TMEM132C: variants seen among roughly 807,000 people sequenced by gnomAD.
The protein encoded by TMEM132C is transmembrane protein 132C, also known as protein phosphatase 1, regulatory subunit 152.
A neutral mutation model predicts 61.4 loss-of-function variants in TMEM132C; 29 were observed. The observed-to-expected ratio is 0.47, with a 90% CI of 0.35 to 0.64. The LOEUF is 0.64. Ranked by LOEUF, TMEM132C falls within the 30% of genes least tolerant of loss-of-function variation. TMEM132C has a pLI of 0.00. For missense variants in TMEM132C, 1,408 were observed against 1,476.9 expected (o/e 0.95, Z 0.76); for synonymous variants, 656 against 633.1 (o/e 1.04, Z -0.54).
intron 2 of TMEM132C, among the ~76,000 whole-genome samples, chr12:128,430,558 G>A (rs1275280263): frequency 6.6e-6 from 1 of 152,206 alleles, no homozygotes; most frequent in African/African-American, 2.4e-5. Context: ...TTGTGCTTCA[G>A]TTTACTGCAT....
intron 3 of TMEM132C, among the ~76,000 whole-genome samples, chr12:128,606,910 C>T (rs1160899800): frequency 6.6e-6 from 1 of 152,146 alleles, no homozygotes; most frequent in Non-Finnish European, 1.5e-5. Flanking sequence ...ATTGCTGGGG[C>T]TCACCAGTAA....
At chr12:128,493,282 A>C (rs1348528179) in intron 2 of TMEM132C, among the ~76,000 whole-genome samples, 4 of 152,166 alleles carry the variant, frequency 2.6e-5, no homozygotes, top group African/African-American at 9.7e-5. Flanking sequence ...GTCAGGTAGC[A>C]TGATGCCTCC....
chr12:128,486,074 A>G (rs781724235), intron 2 of TMEM132C, among the ~76,000 whole-genome samples: 5 of 152,170 alleles, frequency 3.3e-5, no homozygotes, highest in African/African-American at 4.8e-5. Flanking sequence ...TAGAAATGTG[A>G]CAATGCAATA....
intron 1 of TMEM132C, among the ~76,000 whole-genome samples, chr12:128,390,807 G>A (rs1713603): frequency 0.1 from 15,322 of 152,200 alleles, 2,495 homozygotes; most frequent in African/African-American, 0.34. Context: ...AGGCTGTGGC[G>A]CTGTCCAGGT....
intron 1 of TMEM132C, among the ~76,000 whole-genome samples, chr12:128,402,077 G>C (rs1875181233): frequency 6.6e-6 from 1 of 152,100 alleles, no homozygotes; most frequent in Admixed American, 6.5e-5. Flanking sequence ...AGGAAGTCAG[G>C]GGCGAGAGAA....
intron 1 of TMEM132C, among the ~76,000 whole-genome samples, chr12:128,367,958 G>A (rs770587925): frequency 3.9e-5 from 6 of 152,178 alleles, no homozygotes; most frequent in South Asian, 2.1e-4. Context: ...GGTCTAGACC[G>A]TGCTAACTGC....
intron 1 of TMEM132C, among the ~76,000 whole-genome samples, chr12:128,328,090 T>G (rs530287510): frequency 6.6e-6 from 1 of 152,156 alleles, no homozygotes; most frequent in East Asian, 1.9e-4. Flanking sequence ...GAAAGCCCAG[T>G]CAGATGTGTG....
At chr12:128,425,019 T>C (rs557984582) in intron 2 of TMEM132C, among the ~76,000 whole-genome samples, 70 of 152,322 alleles carry the variant, frequency 4.6e-4, no homozygotes, top group Non-Finnish European at 8.7e-4. Flanking sequence ...GATATGTGGG[T>C]TGAAGGTAGC....
At chr12:128,403,463 A>AT (rs35645577) in intron 1 of TMEM132C, among the ~76,000 whole-genome samples, 51,706 of 151,310 alleles carry the variant, frequency 0.34, 9,356 homozygotes, top group South Asian at 0.61. Context: ...ACATCACCCA[A>AT]TTTTTTTTTC....
chr12:128,410,380 C>A (rs969216818), intron 1 of TMEM132C, among the ~76,000 whole-genome samples: 1 of 151,696 alleles, frequency 6.6e-6, no homozygotes, highest in African/African-American at 2.4e-5. Context: ...TATACACACA[C>A]ACATATATAT....
At chr12:128,404,355 C>T (rs906483002) in intron 1 of TMEM132C, 1 of 152,216 alleles carries the variant, frequency 6.6e-6, no homozygotes, top group Non-Finnish European at 1.5e-5. Flanking sequence ...AGACTTCCCA[C>T]TCCTCACATG....
chr12:128,427,257 A>T (rs1869216899), intron 2 of TMEM132C, among the ~76,000 whole-genome samples: 1 of 152,106 alleles, frequency 6.6e-6, no homozygotes, highest in Non-Finnish European at 1.5e-5. Context: ...AAGCATTTTG[A>T]TTGCATCGTG....
At chr12:128,573,552 G>T (rs1874977766) in intron 3 of TMEM132C, among the ~76,000 whole-genome samples, 1 of 151,832 alleles carries the variant, frequency 6.6e-6, no homozygotes, top group African/African-American at 2.4e-5. Flanking sequence ...GTATACATAT[G>T]TAACAAACCT....
intron 2 of TMEM132C, among the ~76,000 whole-genome samples, chr12:128,509,559 T>G (rs2136116882): frequency 6.6e-6 from 1 of 152,368 alleles, no homozygotes; most frequent in Middle Eastern, 3.4e-3. Context: ...TTTCCCAAAC[T>G]TAACTTTGCT....
intron 1 of TMEM132C, among the ~76,000 whole-genome samples, chr12:128,271,632 G>A (rs1870525725): frequency 6.6e-6 from 1 of 152,162 alleles, no homozygotes; most frequent in Non-Finnish European, 1.5e-5. Context: ...AGCTGAGCAG[G>A]GGTGTCCTCC....
chr12:128,502,616 C>T lies in TMEM132C; in HGVS notation c.975-41341C>T, dbSNP rs543243269. 5.3e-5 allele frequency among the ~76,000 whole-genome samples: 8 copies of T among 152,294 alleles called. No individual in the cohort carries two copies. The East Asian group carries it at 9.7e-4, about 18-fold the overall frequency. Reference sequence around the variant, plus strand: ...AGAGTGGATCCAAAGCTAGTGTCCCCGACCAGCTGCGATGTGCCTCAGGAT... The same window carrying T: ...AGAGTGGATCCAAAGCTAGTGTCCCTGACCAGCTGCGATGTGCCTCAGGAT... On this transcript the variant is annotated intron_variant, in intron 2 of 8. Transcript: ENST00000435159.
At chr12:128,447,526 G>C (rs1053246044) in intron 2 of TMEM132C, among the ~76,000 whole-genome samples, 15 of 152,086 alleles carry the variant, frequency 9.9e-5, no homozygotes, top group African/African-American at 2.4e-4. Context: ...TCTTCAGGGA[G>C]GGGAAAATAG....
intron 1 of TMEM132C, among the ~76,000 whole-genome samples, chr12:128,351,371 G>A (rs114175518): frequency 2.6e-5 from 4 of 152,026 alleles, no homozygotes; most frequent in African/African-American, 7.2e-5. Flanking sequence ...CTAGAGAAAC[G>A]GAACCAATAG....
Position 128,415,358 on chromosome 12 carries a change from C to T in TMEM132C, c.712C>T (p.Arg238Ter), listed in dbSNP as rs1398496122. Reference protein sequence around the residue: ...LYYTVHPGNERGDCAGGDFRK... With the variant: ...LYYTVHPGNE ...CTACACCGTGCACCCAGGAAACGAG[C>T]GAGGGGACTGTGCCGGGGGTGACTT... The change falls in exon 2 of 9, where the codon CGA becomes TGA. Residue 238 changes from arginine to a stop codon, truncating the protein, a stop_gained. Coordinates refer to ENST00000435159, the MANE Select transcript of TMEM132C (RefSeq NM_001136103.3). LOFTEE classifies it high-confidence loss of function. This position sits in a 1 kb window ranked among gnomAD's most constrained non-coding sequence, Gnocchi z 5.8. 2 of 1,566,782 alleles carry T rather than the reference C, an allele frequency of 1.3e-6. No homozygotes were observed. The highest frequency in any genetic ancestry group is 1.7e-6 in the Non-Finnish European group (2 of 1,154,514).
Sources: allele counts gnomAD v4.1 joint callset (sites outside exome capture counted in the v4.1 genomes callset), GRCh38; gene constraint gnomAD v4.1.1; non-coding constraint Gnocchi (gnomAD v3.1); transcripts MANE v1.5; gene names NCBI Gene and HGNC (gene_info 2026-07-23, HGNC 2026-07-21).